Variants in NDUFAF6 observed in about 807,000 individuals in gnomAD.
NDUFAF6 encodes NADH:ubiquinone oxidoreductase complex assembly factor 6.
Under a neutral mutation model 40.8 loss-of-function variants are expected in NDUFAF6, and 45 were observed. That is an observed-to-expected ratio of 1.10 (90% CI 0.87 to 1.42). The LOEUF (loss-of-function observed/expected upper bound fraction) is 1.42, where lower values mean the gene tolerates loss of function less well. Among genes scored for constraint, NDUFAF6 ranks in the 40% most tolerant of loss-of-function variants. The probability of loss-of-function intolerance (pLI) is 0.00; values close to 1 mark genes in which losing one functional copy is unlikely to be tolerated. For missense variants in NDUFAF6, 435 were observed against 418.5 expected (o/e 1.04, Z -0.34); for synonymous variants, 185 against 155.9 (o/e 1.19, Z -1.39).
At chr8:95,113,374 G>A (rs542312375) in intron 4 of NDUFAF6, among the ~76,000 whole-genome samples, 1 of 152,190 alleles carries the variant, frequency 6.6e-6, no homozygotes, top group Admixed American at 6.5e-5. Context: ...AGGTATAAGC[G>A]CTGGGAGGGA....
chr8:94,962,398 T>A (rs905301747), intron 1 of NDUFAF6, among the ~76,000 whole-genome samples: 1 of 152,192 alleles, frequency 6.6e-6, no homozygotes, highest in African/African-American at 2.4e-5. Flanking sequence ...ATTCAAGCAA[T>A]TCTCGTGCCT....
chr8:95,075,555 A>C, intron 9 of NDUFAF6: 9 of 1,189,802 alleles, frequency 7.6e-6, no homozygotes, highest in Non-Finnish European at 1.0e-5. Context: ...AACCATAAGC[A>C]TCTCTCGGGG....
chr8:94,995,945 T>G (rs1458087585), intron 2 of NDUFAF6, among the ~76,000 whole-genome samples: 1 of 152,154 alleles, frequency 6.6e-6, no homozygotes, highest in African/African-American at 2.4e-5. Context: ...GCCCAGCCAA[T>G]TTTTGTACTT....
At chr8:95,098,416 C>T (rs1005360181), upstream of NDUFAF6, among the ~76,000 whole-genome samples, 3 of 152,046 alleles carry the variant, frequency 2.0e-5, no homozygotes, top group Admixed American at 1.3e-4. Flanking sequence ...GCCTGTAATC[C>T]CAGCACTTTG....
chr8:94,971,735 G>A (rs1297608681), intron 1 of NDUFAF6, among the ~76,000 whole-genome samples: 5 of 152,102 alleles, frequency 3.3e-5, no homozygotes, highest in South Asian at 2.1e-4. Context: ...TCAGGAGTTC[G>A]AGACCAGCCT....
chr8:95,017,534 CA>C (rs1827514497), intron 2 of NDUFAF6, among the ~76,000 whole-genome samples: 1 of 152,128 alleles, frequency 6.6e-6, no homozygotes, highest in African/African-American at 2.4e-5. Context: ...CCTAGAGAGG[CA>C]AATGTATTTT....
At chr8:95,082,016 A>G (rs1447844212) in intron 2 of NDUFAF6, among the ~76,000 whole-genome samples, 1 of 152,196 alleles carries the variant, frequency 6.6e-6, no homozygotes, top group Non-Finnish European at 1.5e-5. Flanking sequence ...GTGAGCCGAG[A>G]TCGCGCCACT....
chr8:95,013,742 G>T (rs1042015849), intron 2 of NDUFAF6, among the ~76,000 whole-genome samples: 1 of 152,172 alleles, frequency 6.6e-6, no homozygotes, highest in Non-Finnish European at 1.5e-5. Context: ...GATATATACT[G>T]CAAAGAAAAA....
intron 1 of NDUFAF6, among the ~76,000 whole-genome samples, chr8:94,933,837 G>GGA (rs1554630467): frequency 6.8e-6 from 1 of 148,148 alleles, no homozygotes; most frequent in Non-Finnish European, 1.5e-5. Flanking sequence ...CACTTTGTGG[G>GGA]GGGGGGGGGA....
chr8:94,946,011 C>A (rs1259667753), intron 2 of NDUFAF6, among the ~76,000 whole-genome samples: 3 of 152,044 alleles, frequency 2.0e-5, no homozygotes, highest in Non-Finnish European at 4.4e-5. Flanking sequence ...ATAAACTGAA[C>A]AAAACCACAT....
At chr8:95,013,816 C>T (rs997021552) in intron 2 of NDUFAF6, among the ~76,000 whole-genome samples, 3 of 151,968 alleles carry the variant, frequency 2.0e-5, no homozygotes, top group African/African-American at 7.3e-5. Flanking sequence ...AAATCCTAAC[C>T]CCCAGTACTG....
intron 2 of NDUFAF6, among the ~76,000 whole-genome samples, chr8:95,086,157 CAG>C (rs1213241595): frequency 1.3e-5 from 2 of 152,158 alleles, no homozygotes; most frequent in Non-Finnish European, 2.9e-5. Flanking sequence ...ATGGCCAAAA[CAG>C]GGGACTGAAG....
exon 10 of NDUFAF6, chr8:95,075,810 C>T (rs6982086): frequency 0.27 from 179,408 of 670,180 alleles, 23,944 homozygotes; most frequent in Middle Eastern, 0.33. Flanking sequence ...TTGCTTCACT[C>T]GAACACGCAC....
intron 1 of NDUFAF6, among the ~76,000 whole-genome samples, chr8:94,910,111 G>T (rs972913156): frequency 6.6e-6 from 1 of 152,016 alleles, no homozygotes; most frequent in South Asian, 2.1e-4. Flanking sequence ...ACCAGCCAGG[G>T]TTCCCTACTC....
In NDUFAF6 at chr8:95,092,976, G is replaced by T. The variant is rs868312905; in HGVS notation, n.214-8156G>T. Among the ~76,000 whole-genome samples the T allele has an allele frequency of 4.9e-4, 74 of 152,298 alleles. 1 individual carries two copies. Among genetic ancestry groups the T allele is most frequent in the Middle Eastern group, 3.4e-3 (1 of 294 alleles). On this transcript the variant is annotated intron_variant and non_coding_transcript_variant, in intron 2 of 5. Coordinates refer to the NDUFAF6 transcript ENST00000523184. Reference sequence around the variant, plus strand: ...ATAAAACCGGTTTCTCTACTGATCGGCAATTTCATGAGAACATTTGTCCCT... The same window carrying T: ...ATAAAACCGGTTTCTCTACTGATCGTCAATTTCATGAGAACATTTGTCCCT...
At chr8:94,936,299 G>A (rs757053766) in intron 1 of NDUFAF6, among the ~76,000 whole-genome samples, 20 of 152,162 alleles carry the variant, frequency 1.3e-4, no homozygotes, top group Non-Finnish European at 5.9e-5. Flanking sequence ...GTTTATACAG[G>A]ATCATGTTAT....
intron 4 of NDUFAF6, among the ~76,000 whole-genome samples, chr8:95,112,957 C>G (rs550045986): frequency 6.6e-6 from 1 of 152,362 alleles, no homozygotes; most frequent in Non-Finnish European, 1.5e-5. Flanking sequence ...CCAGGCATTG[C>G]CCCCTTAGGT....
intron 1 of NDUFAF6, among the ~76,000 whole-genome samples, chr8:94,899,360 G>A (rs1209266206): frequency 2.0e-5 from 3 of 152,208 alleles, no homozygotes; most frequent in African/African-American, 7.2e-5. Flanking sequence ...TGCATACATA[G>A]TTGCCCAAAC....
intron 2 of NDUFAF6, among the ~76,000 whole-genome samples, chr8:95,001,395 C>G (rs548491800): frequency 6.6e-6 from 1 of 152,112 alleles, no homozygotes; most frequent in Non-Finnish European, 1.5e-5. Flanking sequence ...ATCCCCACCT[C>G]GAGAGAGCTA....
Sources: allele counts gnomAD v4.1 joint callset (sites outside exome capture counted in the v4.1 genomes callset), GRCh38; gene constraint gnomAD v4.1.1; transcripts MANE v1.5; gene names NCBI Gene and HGNC (gene_info 2026-07-23, HGNC 2026-07-21).